Variants in PPFIA3 observed in about 807,000 individuals in gnomAD.
The protein encoded by PPFIA3 is PPFI scaffold protein A3, also known as liprin-alpha-3.
PPFIA3 carries 26 observed loss-of-function variants against 145.8 expected under a neutral mutation model. The observed-to-expected ratio is 0.18, with a 90% confidence interval of 0.13 to 0.25. The LOEUF is 0.25. Among genes scored for constraint, PPFIA3 ranks in the 10% least tolerant of loss-of-function variants. The probability of loss-of-function intolerance (pLI) is 1.00; values close to 1 mark genes in which losing one functional copy is unlikely to be tolerated. For synonymous variants in PPFIA3, 645 were observed against 661.4 expected (o/e 0.98, Z 0.38); for missense variants, 1,008 against 1,587.8 (o/e 0.63, Z 6.21).
intron 21 of PPFIA3, among the ~76,000 whole-genome samples, chr19:49,143,497 T>G (rs2041248164): frequency 6.6e-6 from 1 of 151,994 alleles, no homozygotes; most frequent in Non-Finnish European, 1.5e-5. Flanking sequence ...CTCAGCCTCC[T>G]GAGTAGCTGG....
At position 49,133,207 on chromosome 19, in the gene PPFIA3, G is replaced by A. The variant is rs371870415; in HGVS notation, c.1027-30G>A. On this transcript the variant is annotated intron_variant, in intron 8 of 29. Coordinates refer to ENST00000334186, the MANE Select transcript of PPFIA3 (RefSeq NM_003660.4). This position sits in a 1 kb window ranked among gnomAD's most constrained non-coding sequence, Gnocchi z 7.2. ...TGCCGGGGCCCAAGTGACCCAGCCC[G>A]TCCCCTCCCCCTGCCTCTCCCTCCC... The A allele has an allele frequency of 1.3e-6, 2 of 1,587,620 alleles. No individual in the cohort carries two copies. Among genetic ancestry groups the A allele is most frequent in the Non-Finnish European group, 1.7e-6 (2 of 1,164,792 alleles).
In PPFIA3 at chr19:49,133,746, C is replaced by G; in HGVS notation, c.1162-50C>G. ...CCTTGGAGGAGGTGGGGCTGGGAGCCTGACTGATCCTGGAAGGGTAAGTCA... is the reference window on the plus strand; with the variant it reads ...CCTTGGAGGAGGTGGGGCTGGGAGCGTGACTGATCCTGGAAGGGTAAGTCA... On this transcript the variant is annotated intron_variant, in intron 9 of 29. Coordinates refer to ENST00000334186, the MANE Select transcript of PPFIA3 (RefSeq NM_003660.4). The surrounding 1 kb of genome is among the most constrained non-coding windows in gnomAD (Gnocchi z 7.2). The G allele has an allele frequency of 6.3e-7, 1 of 1,578,620 alleles. No homozygotes were observed. Among genetic ancestry groups the G allele is most frequent in the South Asian group, 1.1e-5 (1 of 89,274 alleles).
intron 18 of PPFIA3, among the ~76,000 whole-genome samples, chr19:49,141,071 A>G (rs978628852): frequency 1.3e-5 from 2 of 152,154 alleles, no homozygotes; most frequent in Non-Finnish European, 2.9e-5. Context: ...GAATTGGCTG[A>G]CATCACACTG....
At position 49,120,303 on chromosome 19, in the gene PPFIA3, G is replaced by T. The variant is rs371798174; in HGVS notation, c.-16+581G>T. On this transcript the variant is annotated intron_variant, in intron 1 of 29. Transcript: ENST00000334186. The surrounding 1 kb of genome is among the most constrained non-coding windows in gnomAD (Gnocchi z 4.6). Reference sequence around the variant, plus strand: ...ATCCCCCCGCCGCGCCTTTGACCCGGGAATACCCGGGCCCTCCCCGACCAG... The same window carrying T: ...ATCCCCCCGCCGCGCCTTTGACCCGTGAATACCCGGGCCCTCCCCGACCAG... Among the ~76,000 whole-genome samples the T allele has an allele frequency of 5.3e-5, 8 of 152,054 alleles. No individual in the cohort carries two copies. Among genetic ancestry groups the T allele is most frequent in the East Asian group, 3.9e-4 (2 of 5,152 alleles).
chr19:49,127,282 T>C (rs2041010727), intron 1 of PPFIA3, among the ~76,000 whole-genome samples: 2 of 144,316 alleles, frequency 1.4e-5, no homozygotes, highest in Non-Finnish European at 3.0e-5. Context: ...CTCGGGAGGC[T>C]GAGGGAGGAG....
In PPFIA3 at chr19:49,120,854, C is replaced by G. The variant is rs1485721721; in HGVS notation, c.-16+1132C>G. On this transcript the variant is annotated intron_variant, in intron 1 of 29. Transcript: ENST00000334186. This position sits in a 1 kb window ranked among gnomAD's most constrained non-coding sequence, Gnocchi z 4.6. ...TTTTACTGAGGCTGTCTGCCTCAAC[C>G]CTCTCTCCAAACAAGACCTCAGGCT... 6.6e-6 allele frequency among the ~76,000 whole-genome samples: 1 copy of G among 152,158 alleles called. No individual in the cohort carries two copies. Among genetic ancestry groups the G allele is most frequent in the Non-Finnish European group, 1.5e-5 (1 of 68,034 alleles).
At chr19:49,139,874 G>T (rs1436955751) in intron 17 of PPFIA3, 43 bp downstream of exon 17, 1 of 1,610,992 alleles carries the variant, frequency 6.2e-7, no homozygotes, top group Non-Finnish European at 8.5e-7. Context: ...AGCTGGCTTG[G>T]GAAGATGAGA....
chr19:49,124,666 T>A (rs894081631), intron 1 of PPFIA3, among the ~76,000 whole-genome samples: 1 of 152,240 alleles, frequency 6.6e-6, no homozygotes, highest in Non-Finnish European at 1.5e-5. Flanking sequence ...AGGTTCTATG[T>A]CCAGCCTTGC....
rs77137842 is a variant in PPFIA3, at chr19:49,143,130, C to T, written c.2745+126C>T. 6 of 1,107,790 alleles carry T rather than the reference C, an allele frequency of 5.4e-6. No individual in the cohort carries two copies. The South Asian group carries it at 7.5e-5, about 14-fold the overall frequency. 68.6% of individuals were successfully genotyped at this position (1,107,790 alleles called of 1,614,324 possible). Reference sequence around the variant, plus strand: ...ACCCTGCTTCTCATTGGCTTTTACCCCCCTCAGCCTCCCCTCCACTCCTAA... The same window carrying T: ...ACCCTGCTTCTCATTGGCTTTTACCTCCCTCAGCCTCCCCTCCACTCCTAA... On this transcript the variant is annotated intron_variant, in intron 21 of 29. Coordinates refer to ENST00000334186, the MANE Select transcript of PPFIA3 (RefSeq NM_003660.4).
intron 20 of PPFIA3, among the ~76,000 whole-genome samples, chr19:49,142,519 CTCTCTCTCTATTTCTT>C (rs1039876460): frequency 1.3e-4 from 20 of 150,620 alleles, no homozygotes; most frequent in African/African-American, 3.9e-4. Context: ...CCCTCTATTT[CTCTCTCTCTATTTCTT>C]TCTCTCTCTC....
rs368168621 is a variant in PPFIA3 at position 49,133,129 on chromosome 19, G to A, written c.1008G>A (p.Lys336=). 6.2e-7 allele frequency: 1 copy of A among 1,606,336 alleles called. No homozygotes were observed. Among genetic ancestry groups the A allele is most frequent in the African/African-American group, 1.3e-5 (1 of 74,742 alleles). ...NDKLENELAS[K]ESLYRQSEEK... ...AACTGGAGAACGAGTTAGCTAGCAA[G>A]GAGTCGTTGTATCGGCAGGTGGGGG... is the stretch of plus-strand genomic sequence containing the variant. Residue 336 remains lysine (K), a synonymous_variant, in exon 8 of 30, where the codon AAG becomes AAA. Coordinates refer to ENST00000334186, the MANE Select transcript of PPFIA3 (RefSeq NM_003660.4). This position sits in a 1 kb window ranked among gnomAD's most constrained non-coding sequence, Gnocchi z 7.2.
intron 23 of PPFIA3, 162 bp downstream of exon 23, chr19:49,146,354 C>A (rs909017886): frequency 3.4e-6 from 3 of 885,600 alleles, no homozygotes; most frequent in African/African-American, 3.4e-5. Context: ...TATGGCTTGG[C>A]GGTGGGGAGG....
At chr19:49,126,560 C>CTTTTT (rs762895281) in intron 1 of PPFIA3, among the ~76,000 whole-genome samples, 26 of 118,788 alleles carry the variant, frequency 2.2e-4, no homozygotes, top group South Asian at 2.7e-4. Flanking sequence ...CCTGGCCTTG[C>CTTTTT]TTTTTTTTTT....
rs7247125 is a variant in PPFIA3 at position 49,120,678 on chromosome 19, T to C, written c.-16+956T>C. On this transcript the variant is annotated intron_variant, in intron 1 of 29. Transcript: ENST00000334186. This position sits in a 1 kb window ranked among gnomAD's most constrained non-coding sequence, Gnocchi z 4.6. ...CGAGGGACTCAGGCGCCATGACTCC[T>C]TTCCTTTGGGGGACCCGGAATGTGA... Among the ~76,000 whole-genome samples, 66,374 of 151,998 alleles carry C rather than the reference T, an allele frequency of 0.44. 14,806 individuals carry two copies. Among genetic ancestry groups the C allele is most frequent in the African/African-American group, 0.51 (20,992 of 41,438 alleles).
rs539758937 is a variant in PPFIA3, at chr19:49,121,061, CCT to C, written c.-16+1340_-16+1341del. On this transcript the variant is annotated intron_variant, in intron 1 of 29. Transcript: ENST00000334186. The stretch of plus-strand genomic sequence containing the variant: ...ACATCTCCTGTGGCCCTACCAAACC[CCT>C]GTCTCATCCTCATGTCACCCCAGGT... 3.8e-3 allele frequency among the ~76,000 whole-genome samples: 573 copies of C among 152,290 alleles called. 3 individuals are homozygous for C. The highest frequency in any genetic ancestry group is 6.8e-3 in the Non-Finnish European group (460 of 68,024).
In PPFIA3 at chr19:49,143,016, G is replaced by A. The variant is rs2041241877; in HGVS notation, c.2745+12G>A. 1.3e-6 allele frequency: 2 copies of A among 1,598,938 alleles called. No individual in the cohort carries two copies. The highest frequency in any genetic ancestry group is 2.7e-5 in the African/African-American group (2 of 74,792). On this transcript the variant is annotated intron_variant, in intron 21 of 29. Transcript: ENST00000334186. ...CCTCCTCCCGCACTGTGAGTGTCCG[G>A]CGGCCAATTCCAGCCTTCGCTTCCT...
At position 49,133,778 on chromosome 19, in the gene PPFIA3, A is replaced by T; in HGVS notation, c.1162-18A>T. 1 of 1,612,194 alleles carries T rather than the reference A, an allele frequency of 6.2e-7. No individual in the cohort carries two copies. Among genetic ancestry groups the T allele is most frequent in the South Asian group, 1.1e-5 (1 of 90,942 alleles). On this transcript the variant is annotated intron_variant, in intron 9 of 29. Coordinates refer to ENST00000334186, the MANE Select transcript of PPFIA3 (RefSeq NM_003660.4). The surrounding 1 kb of genome is among the most constrained non-coding windows in gnomAD (Gnocchi z 7.2). ...ATCCTGGAAGGGTAAGTCACACGCC[A>T]TGGGTTCCATCTCCTAGGCCGAGGA... is the stretch of plus-strand genomic sequence containing the variant.
chr19:49,130,738 C>T lies in PPFIA3; in HGVS notation c.879+139C>T. ...TCCTCTTTGAGATTCAGTTTTCCCA[C>T]CTGTGAAAGGAAATGTATGATTCTC... is the stretch of plus-strand genomic sequence containing the variant. On this transcript the variant is annotated intron_variant, in intron 7 of 29. Transcript: ENST00000334186. This position sits in a 1 kb window ranked among gnomAD's most constrained non-coding sequence, Gnocchi z 4.5. 1 of 746,180 alleles carries T rather than the reference C, an allele frequency of 1.3e-6. No homozygotes were observed. Among genetic ancestry groups the T allele is most frequent in the Non-Finnish European group, 2.1e-6 (1 of 467,788 alleles). The allele number at this position is 746,180 out of a possible 1,614,324, so 46.2% of individuals were successfully genotyped here.
intron 18 of PPFIA3, 110 bp from the exon 19 acceptor site, chr19:49,141,310 C>T: frequency 2.7e-6 from 2 of 747,624 alleles, no homozygotes; most frequent in Non-Finnish European, 4.6e-6. Flanking sequence ...CCCTCACTCA[C>T]TACTCCCTCA....
Sources: gnomAD v4.1 joint callset for allele counts (sites outside exome capture counted in the v4.1 genomes callset) on GRCh38, gnomAD v4.1.1 for gene constraint, Gnocchi (gnomAD v3.1) non-coding constraint, MANE v1.5 for transcripts, NCBI Gene and HGNC (gene_info 2026-07-23, HGNC 2026-07-21) for gene names.